The following DCTN4 variants were observed in gnomAD, a reference collection of about 807,000 sequenced individuals.
DCTN4 encodes the protein dynactin 4 (p62).
In DCTN4, 23 loss-of-function variants were observed where a neutral mutation model predicts 62.7. The observed-to-expected ratio is 0.37, with a 90% confidence interval of 0.26 to 0.52. The LOEUF (loss-of-function observed/expected upper bound fraction) is 0.52, where lower values mean the gene tolerates loss of function less well. Among genes scored for constraint, DCTN4 ranks in the 20% least tolerant of loss-of-function variants. The pLI is 0.92. For synonymous variants in DCTN4, 199 were observed against 202.1 expected (o/e 0.98, Z 0.13); for missense variants, 514 against 580.4 (o/e 0.89, Z 1.18).
At chr5:150,755,904 CT>C (rs1163770546) in intron 2 of DCTN4, among the ~76,000 whole-genome samples, 5 of 152,262 alleles carry the variant, frequency 3.3e-5, no homozygotes, top group African/African-American at 1.2e-4. Context: ...TCCATACTAT[CT>C]TCACCATAAT....
At chr5:150,720,906 A>G (rs912332758) in intron 9 of DCTN4, among the ~76,000 whole-genome samples, 4 of 152,378 alleles carry the variant, frequency 2.6e-5, no homozygotes, top group African/African-American at 9.6e-5. Context: ...TGTAATGAGT[A>G]TAATTCTTAA....
chr5:150,713,501 T>C (rs952083800), intron 12 of DCTN4, among the ~76,000 whole-genome samples: 38 of 151,056 alleles, frequency 2.5e-4, no homozygotes, highest in Admixed American at 1.8e-3. Context: ...TGGAGTGTAG[T>C]GGCGTGATCT....
chr5:150,750,823 G>A (rs1355794023), intron 3 of DCTN4, among the ~76,000 whole-genome samples: 1 of 152,208 alleles, frequency 6.6e-6, no homozygotes, highest in African/African-American at 2.4e-5. Flanking sequence ...AAAGTAGGGG[G>A]AGGGCTTAAA....
intron 11 of DCTN4, 90 bp downstream of exon 11, chr5:150,718,181 TGGAAA>T (rs888547097): frequency 4.1e-6 from 3 of 740,368 alleles, no homozygotes; most frequent in African/African-American, 1.9e-5. Context: ...TGACTAGATG[TGGAAA>T]GGAGAGTGTG....
intron 2 of DCTN4, among the ~76,000 whole-genome samples, chr5:150,755,335 T>C (rs1294123951): frequency 6.6e-6 from 1 of 152,206 alleles, no homozygotes. Flanking sequence ...GGGAGCATAA[T>C]TCTCTAGTCT....
Position 150,731,458 on chromosome 5 carries a change from C to T in DCTN4, c.569G>A (p.Arg190Gln), listed in dbSNP as rs1421480619. The change falls in exon 6 of 13, where the codon CGA becomes CAA. Residue 190 changes from arginine to glutamine, a missense_variant. Physicochemically the swap from Arg to Gln is conservative, Grantham distance 43. Coordinates refer to ENST00000447998, the MANE Select transcript of DCTN4 (RefSeq NM_016221.4). Reference sequence around the variant, plus strand: ...ACTGATGGATGCACCAGCTCGTGGTCGCTGAAGCCTGGTTCCAAGACCATA... The same window carrying T: ...ACTGATGGATGCACCAGCTCGTGGTTGCTGAAGCCTGGTTCCAAGACCATA... ...DKYGLGTRLQRPRAGASISTL... is the reference protein window; with the variant it reads ...DKYGLGTRLQQPRAGASISTL... 3.7e-6 allele frequency: 6 copies of T among 1,613,816 alleles called. No homozygotes were observed. The highest frequency in any genetic ancestry group is 3.4e-6 in the Non-Finnish European group (4 of 1,180,004).
At position 150,730,700 on chromosome 5, in the gene DCTN4, C is replaced by A; in HGVS notation, c.765G>T (p.Gln255His). ...LQQRLLQPDF[Q>H]PVCASQLYPR... ...GATAGAGCTGTGAAGCACAGACTGG[C>A]TGGAAGTCAGGCTGTAACAGACGCT... Residue 255 changes from glutamine to histidine, a missense_variant, in exon 8 of 13, where the codon CAG (glutamine) becomes CAT (histidine). By Grantham distance (24) the Gln-to-His change is conservative. Transcript: ENST00000447998. 1 of 1,614,070 alleles carries A rather than the reference C, an allele frequency of 6.2e-7. No homozygotes were observed.
chr5:150,718,166 C>A, intron 11 of DCTN4, 110 bp downstream of exon 11: 1 of 649,336 alleles, frequency 1.5e-6, no homozygotes. Flanking sequence ...ATCAAAAGAA[C>A]TTGCTGACTA....
At chr5:150,757,524 G>C (rs1483689725) in intron 1 of DCTN4, among the ~76,000 whole-genome samples, 4 of 152,076 alleles carry the variant, frequency 2.6e-5, no homozygotes, top group Non-Finnish European at 2.9e-5. Context: ...TAATTGAAGA[G>C]AGTCTTAGAG....
chr5:150,729,042 C>CTTTTTTTTTTTTTTTTTTTTTT (rs61106544), intron 8 of DCTN4, among the ~76,000 whole-genome samples: 3 of 52,146 alleles, frequency 5.8e-5, no homozygotes, highest in African/African-American at 2.3e-4. Context: ...ACCACACTGG[C>CTTTTTTTTTTTTTTTTTTTTTT]TTTTTTTTTT....
chr5:150,716,931 C>T (rs1581564363), intron 11 of DCTN4, among the ~76,000 whole-genome samples: 1 of 143,356 alleles, frequency 7.0e-6, no homozygotes, highest in South Asian at 2.2e-4. Context: ...AAAAAAAAAG[C>T]AACAAGGACC....
At chr5:150,715,929 A>C (rs1759742166) in intron 11 of DCTN4, among the ~76,000 whole-genome samples, 1 of 152,038 alleles carries the variant, frequency 6.6e-6, no homozygotes, top group South Asian at 2.1e-4. Flanking sequence ...TTTGAGATGG[A>C]GTCTCACTCT....
intron 3 of DCTN4, among the ~76,000 whole-genome samples, chr5:150,748,430 T>G (rs1752540033): frequency 6.6e-6 from 1 of 152,162 alleles, no homozygotes; most frequent in African/African-American, 2.4e-5. Flanking sequence ...AGCCATCCCA[T>G]TACTGGGTAT....
At chr5:150,756,510 A>G (rs758269798) in intron 1 of DCTN4, 23 bp from the exon 2 acceptor site, 3 of 1,521,164 alleles carry the variant, frequency 2.0e-6, no homozygotes, top group Admixed American at 4.0e-5. Context: ...AAGAAAGAAA[A>G]AAAAAACCAG....
At position 150,719,758 on chromosome 5, in the gene DCTN4, T is replaced by G. The variant is rs1759892772; in HGVS notation, c.921A>C (p.Pro307=). Residue 307 remains proline, a synonymous_variant, in exon 10 of 13, where the codon CCA becomes CCC. Transcript: ENST00000447998. ...KIQLVAVNYI[P]EVRIMSIPNL... ...TGGGAATTGACATGATTCTCACTTC[T>G]GGAATATAATTGCTGTGCATAAATA... 1.2e-6 allele frequency: 2 copies of G among 1,608,186 alleles called. No individual in the cohort carries two copies. Among genetic ancestry groups the G allele is most frequent in the Non-Finnish European group, 1.7e-6 (2 of 1,175,484 alleles).
At position 150,756,493 on chromosome 5, in the gene DCTN4, A is replaced by C; in HGVS notation, c.136-6T>G. 1 of 1,577,864 alleles carries C rather than the reference A, an allele frequency of 6.3e-7. No homozygotes were observed. The highest frequency in any genetic ancestry group is 8.6e-7 in the Non-Finnish European group (1 of 1,163,650). On this transcript the variant is annotated splice_polypyrimidine_tract_variant and splice_region_variant and intron_variant, in intron 1 of 12. Transcript: ENST00000447998. ...GGACAATAATGGGAGTCCACCTAGGAGGAAACAAGAAAGAAAAAAAAAACC... is the reference window on the plus strand; with the variant it reads ...GGACAATAATGGGAGTCCACCTAGGCGGAAACAAGAAAGAAAAAAAAAACC...
rs533909049 is a variant in DCTN4, at chr5:150,726,956, T to C, written c.834+3675A>G. On this transcript the variant is annotated intron_variant, in intron 8 of 12. Transcript: ENST00000447998. Reference sequence around the variant, plus strand: ...CAAAGCATCATTTTTACATGAAAAGTTGTCTGTCATTTGAAATTATGCAAA... The same window carrying C: ...CAAAGCATCATTTTTACATGAAAAGCTGTCTGTCATTTGAAATTATGCAAA... Among the ~76,000 whole-genome samples, 3 of 152,312 alleles carry C rather than the reference T, an allele frequency of 2.0e-5. No homozygotes were observed. In the South Asian group the frequency reaches 6.2e-4, roughly 32 times the overall value.
At chr5:150,742,490 C>G (rs1760804187) in intron 3 of DCTN4, among the ~76,000 whole-genome samples, 1 of 152,166 alleles carries the variant, frequency 6.6e-6, no homozygotes, top group Admixed American at 6.5e-5. Flanking sequence ...AAATAACTTG[C>G]TCAAAGTCAC....
intron 4 of DCTN4, 40 bp from the exon 5 acceptor site, chr5:150,733,515 C>T: frequency 6.9e-7 from 1 of 1,455,182 alleles, no homozygotes; most frequent in Non-Finnish European, 9.6e-7. Context: ...AAAAAGCTAA[C>T]AGAAAACATA....
Sources: allele counts gnomAD v4.1 joint callset (sites outside exome capture counted in the v4.1 genomes callset), GRCh38; gene constraint gnomAD v4.1.1; transcripts MANE v1.5; gene names NCBI Gene and HGNC (gene_info 2026-07-23, HGNC 2026-07-21).